Variants in PCDHA3 observed in about 807,000 individuals in gnomAD.
The protein encoded by PCDHA3 is protocadherin alpha 3, also known as protocadherin alpha-3.
In PCDHA3, 41 loss-of-function variants were observed where a neutral mutation model predicts 62.2. The ratio of observed to expected loss-of-function variants is 0.66; its 90% CI spans 0.51 to 0.86. The LOEUF (loss-of-function observed/expected upper bound fraction) is 0.86. PCDHA3 is among the 40% of genes least tolerant of loss of function. PCDHA3 has a pLI of 0.00. For synonymous variants in PCDHA3, 640 were observed against 555.4 expected, an observed-to-expected ratio of 1.15 and a Z score of -2.14; for missense variants, 1,304 against 1,241.2, an observed-to-expected ratio of 1.05 and a Z score of -0.76.
chr5:140,835,646 T>C lies in PCDHA3; in HGVS notation c.2394+32055T>C, dbSNP rs148944886. The C allele has an allele frequency of 8.1e-4, 1,314 of 1,613,744 alleles. 16 individuals are homozygous for C. In the African/African-American group the frequency reaches 0.014, roughly 17 times the overall value. On this transcript the variant is annotated intron_variant, in intron 1 of 3. Transcript: ENST00000522353. ...TGGACCGCGAGAGTGTGTCCGCCTA[T>C]GAGCTGGTGGTTACCGCGCGGGACG...
At chr5:140,966,796 G>A (rs1255615650) in intron 1 of PCDHA3, 8 of 1,535,610 alleles carry the variant, frequency 5.2e-6, no homozygotes, top group African/African-American at 1.4e-5. Flanking sequence ...GACCTGCGGC[G>A]ACAGAGCATC....
chr5:140,924,714 G>C (rs2081964744), intron 1 of PCDHA3, among the ~76,000 whole-genome samples: 1 of 151,860 alleles, frequency 6.6e-6, no homozygotes, highest in African/African-American at 2.4e-5. Context: ...GTGCAACATG[G>C]CGAAACCTCA....
At chr5:140,936,185 G>A (rs563044758) in intron 1 of PCDHA3, among the ~76,000 whole-genome samples, 10 of 152,060 alleles carry the variant, frequency 6.6e-5, no homozygotes, top group Non-Finnish European at 1.0e-4. Context: ...AAACCACCAC[G>A]CCCAGCCAAA....
At chr5:140,816,262 C>T (rs1765873375) in intron 1 of PCDHA3, 1 of 152,144 alleles carries the variant, frequency 6.6e-6, no homozygotes, top group Non-Finnish European at 1.5e-5. Context: ...TTCACTGACT[C>T]ATTCTTCTAC....
chr5:140,926,921 G>A (rs1554203799), intron 1 of PCDHA3: 3 of 1,571,110 alleles, frequency 1.9e-6, no homozygotes, highest in African/African-American at 2.7e-5. Flanking sequence ...GCAGTTTTAT[G>A]TTTGTGGGTT....
chr5:140,883,290 T>C, intron 1 of PCDHA3: 1 of 1,614,060 alleles, frequency 6.2e-7, no homozygotes, highest in South Asian at 1.1e-5. Context: ...GTGGAAGTAC[T>C]AGATGTAAAT....
In PCDHA3 at chr5:140,927,503, C is replaced by T. The variant is rs148532418; in HGVS notation, c.2395-51446C>T. On this transcript the variant is annotated intron_variant, in intron 1 of 3. Transcript: ENST00000522353. ...CGCGCCACCCACCTGCTGGTGCTTA[C>T]AGCTCGGGACGGCGGGCTACCTGCC... The T allele has an allele frequency of 1.2e-4, 190 of 1,614,128 alleles. No homozygotes were observed. In the African/African-American group the frequency reaches 2.3e-3, roughly 19 times the overall value.
chr5:140,869,469 G>A lies in PCDHA3; in HGVS notation c.2394+65878G>A, dbSNP rs781981842. The A allele has an allele frequency of 2.0e-5, 32 of 1,614,092 alleles. No individual in the cohort carries two copies. In the East Asian group the frequency reaches 5.1e-4, roughly 26 times the overall value. On this transcript the variant is annotated intron_variant, in intron 1 of 3. Coordinates refer to ENST00000522353, the MANE Select transcript of PCDHA3 (RefSeq NM_018906.3). Reference sequence around the variant, plus strand: ...TGCAGGTTTTCCATGTGAACGTGGAGGTGAAGGACATTAACGACAACCCGC... The same window carrying A: ...TGCAGGTTTTCCATGTGAACGTGGAAGTGAAGGACATTAACGACAACCCGC...
intron 1 of PCDHA3, chr5:140,883,974 G>C: frequency 6.2e-7 from 1 of 1,612,962 alleles, no homozygotes; most frequent in Non-Finnish European, 8.5e-7. Context: ...CTGACGCCCG[G>C]GGCTGGCAGC....
intron 1 of PCDHA3, chr5:140,810,988 A>G (rs1188660175): frequency 6.6e-6 from 1 of 152,160 alleles, no homozygotes; most frequent in Non-Finnish European, 1.5e-5. Flanking sequence ...GGTAGGGGTC[A>G]AGATTTATTT....
chr5:140,926,958 C>G (rs782614627), intron 1 of PCDHA3: 3 of 1,603,116 alleles, frequency 1.9e-6, no homozygotes, highest in Admixed American at 1.7e-5. Context: ...CGGGACAGCT[C>G]GAGTACTCAG....
intron 1 of PCDHA3, chr5:140,843,320 G>A (rs782364875): frequency 6.3e-7 from 1 of 1,596,056 alleles, no homozygotes; most frequent in Non-Finnish European, 8.6e-7. Context: ...CACGGTTCTG[G>A]TGTCGCTGGT....
intron 1 of PCDHA3, chr5:140,829,626 C>T (rs2150171647): frequency 1.2e-6 from 2 of 1,612,184 alleles, no homozygotes; most frequent in South Asian, 1.1e-5. Flanking sequence ...TCGGTGCACG[C>T]GGAGAGCGGC....
intron 1 of PCDHA3, among the ~76,000 whole-genome samples, chr5:140,939,804 G>A (rs2092463605): frequency 6.6e-6 from 1 of 152,140 alleles, no homozygotes; most frequent in Non-Finnish European, 1.5e-5. Flanking sequence ...TGTTCTGCAT[G>A]TTCAAGAAAA....
At chr5:140,838,041 C>A (rs1479923409) in intron 1 of PCDHA3, among the ~76,000 whole-genome samples, 1 of 149,154 alleles carries the variant, frequency 6.7e-6, no homozygotes, top group African/African-American at 2.5e-5. Flanking sequence ...TACCTTTCTG[C>A]ACTTTTTGGT....
intron 1 of PCDHA3, among the ~76,000 whole-genome samples, chr5:140,888,523 T>C (rs1316582829): frequency 6.6e-6 from 1 of 152,244 alleles, no homozygotes; most frequent in African/African-American, 2.4e-5. Flanking sequence ...AGTTCTGACG[T>C]GAAGTTAAGT....
At chr5:140,847,583 T>A (rs1323179301) in intron 1 of PCDHA3, 3 of 149,348 alleles carry the variant, frequency 2.0e-5, no homozygotes, top group African/African-American at 7.3e-5. Context: ...GGATGAGCAA[T>A]AATGAAATTA....
At chr5:141,006,584 G>C (rs1554260824) in intron 3 of PCDHA3, among the ~76,000 whole-genome samples, 2 of 152,126 alleles carry the variant, frequency 1.3e-5, no homozygotes, top group Admixed American at 6.6e-5. Flanking sequence ...GAGGGTTGGA[G>C]AGAAGCAAAA....
intron 1 of PCDHA3, among the ~76,000 whole-genome samples, chr5:140,889,446 TTAATC>T (rs1274795213): frequency 7.2e-5 from 11 of 152,204 alleles, no homozygotes; most frequent in African/African-American, 2.4e-4. Flanking sequence ...ATTTTCCTGT[TTAATC>T]TAAATTTTCA....
Sources: allele counts gnomAD v4.1 joint callset (sites outside exome capture counted in the v4.1 genomes callset), GRCh38; gene constraint gnomAD v4.1.1; transcripts MANE v1.5; gene names NCBI Gene and HGNC (gene_info 2026-07-23, HGNC 2026-07-21).